Variants in GPC5 observed in about 807,000 individuals in gnomAD.
The protein encoded by GPC5 is glypican 5, also known as glypican-5.
In GPC5, 47 loss-of-function variants were observed where a neutral mutation model predicts 53.9. The ratio of observed to expected loss-of-function variants is 0.87; its 90% CI spans 0.69 to 1.11. The LOEUF (loss-of-function observed/expected upper bound fraction) is 1.11, where lower values mean the gene tolerates loss of function less well. Ranked by LOEUF, GPC5 falls within the 50% of genes most tolerant of loss-of-function variation. GPC5 has a pLI of 0.00. For missense variants in GPC5, 748 were observed against 713.1 expected (o/e 1.05, Z -0.56); for synonymous variants, 286 against 263.3 (o/e 1.09, Z -0.84).
In GPC5 at chr13:92,378,787, T is replaced by C. The variant is rs1386260175; in HGVS notation, c.1561+233798T>C. On this transcript the variant is annotated intron_variant, in intron 7 of 7. Coordinates refer to ENST00000377067, the MANE Select transcript of GPC5 (RefSeq NM_004466.6). ...TTTAAGCACCCTAAGCACTGGGATA[T>C]TTTTTCCCAAGTGTATAATATAGTT... is the stretch of plus-strand genomic sequence containing the variant. Among the ~76,000 whole-genome samples, 3 of 152,168 alleles carry C rather than the reference T, an allele frequency of 2.0e-5. No individual in the cohort carries two copies. In the East Asian group the frequency reaches 5.8e-4, roughly 29 times the overall value.
intron 1 of GPC5, among the ~76,000 whole-genome samples, chr13:91,437,279 G>T (rs982675586): frequency 3.3e-5 from 5 of 152,168 alleles, no homozygotes; most frequent in African/African-American, 1.2e-4. Context: ...TTTCTTCCTA[G>T]CCTCGATGGT....
chr13:91,704,641 A>G (rs900981302), intron 3 of GPC5, among the ~76,000 whole-genome samples: 1 of 152,214 alleles, frequency 6.6e-6, no homozygotes, highest in African/African-American at 2.4e-5. Flanking sequence ...CTTGAAAACC[A>G]AGGACAACCT....
intron 7 of GPC5, among the ~76,000 whole-genome samples, chr13:92,625,332 T>C (rs976850378): frequency 2.0e-5 from 3 of 152,232 alleles, no homozygotes; most frequent in Non-Finnish European, 4.4e-5. Flanking sequence ...AATTGGGATA[T>C]ATGACTATTT....
At chr13:92,818,444 T>G (rs1877558861) in intron 7 of GPC5, among the ~76,000 whole-genome samples, 1 of 152,014 alleles carries the variant, frequency 6.6e-6, no homozygotes, top group African/African-American at 2.4e-5. Context: ...GAAACAATGC[T>G]TTTCTTATAG....
intron 7 of GPC5, among the ~76,000 whole-genome samples, chr13:92,771,274 A>G (rs1354229471): frequency 1.3e-5 from 2 of 152,104 alleles, no homozygotes; most frequent in Non-Finnish European, 2.9e-5. Flanking sequence ...GGCATTACTC[A>G]TGCTACCCAT....
chr13:91,963,425 G>C (rs1028358836), intron 6 of GPC5, among the ~76,000 whole-genome samples: 2 of 152,108 alleles, frequency 1.3e-5, no homozygotes, highest in Non-Finnish European at 2.9e-5. Flanking sequence ...GTGTACATAA[G>C]GGAATGTGTA....
intron 7 of GPC5, among the ~76,000 whole-genome samples, chr13:92,526,439 A>G (rs1203213929): frequency 1.3e-5 from 2 of 152,102 alleles, no homozygotes; most frequent in Admixed American, 1.3e-4. Flanking sequence ...AAATAAGTCC[A>G]GTGTGGGTGA....
At chr13:91,548,239 C>A (rs2030412964) in intron 2 of GPC5, among the ~76,000 whole-genome samples, 1 of 152,118 alleles carries the variant, frequency 6.6e-6, no homozygotes, top group Non-Finnish European at 1.5e-5. Context: ...ACACAAAACA[C>A]CTGGAACTAA....
intron 7 of GPC5, among the ~76,000 whole-genome samples, chr13:92,331,682 G>GT (rs5805739): frequency 0.033 from 4,873 of 147,562 alleles, 195 homozygotes; most frequent in Admixed American, 0.092. Flanking sequence ...TATACATAGG[G>GT]TTTTTTTTTT....
intron 6 of GPC5, among the ~76,000 whole-genome samples, chr13:91,945,854 C>T (rs1191790775): frequency 1.3e-5 from 2 of 152,150 alleles, no homozygotes; most frequent in East Asian, 1.9e-4. Context: ...ACAACCCTTG[C>T]GTTGCAAAGT....
intron 2 of GPC5, among the ~76,000 whole-genome samples, chr13:91,593,827 A>G (rs1005662157): frequency 6.6e-6 from 1 of 152,134 alleles, no homozygotes; most frequent in Non-Finnish European, 1.5e-5. Flanking sequence ...ATATCCCTCA[A>G]TAAAATAATG....
At chr13:92,820,633 C>T (rs1877642938) in intron 7 of GPC5, among the ~76,000 whole-genome samples, 1 of 152,164 alleles carries the variant, frequency 6.6e-6, no homozygotes, top group African/African-American at 2.4e-5. Context: ...CCACTTCAAA[C>T]TTGATATTAT....
Position 92,636,401 on chromosome 13 carries a change from C to G in GPC5, c.1562-229881C>G, listed in dbSNP as rs141897406. 6.2e-3 allele frequency among the ~76,000 whole-genome samples: 950 copies of G among 152,224 alleles called. 7 individuals carry two copies. The highest frequency in any genetic ancestry group is 0.02 in the African/African-American group (825 of 41,536). ...ATAGGACTTATTTTGCTGAGCGTAGCTATGCTCTCTGTATTTTGTTTCTTG... is the reference window on the plus strand; with the variant it reads ...ATAGGACTTATTTTGCTGAGCGTAGGTATGCTCTCTGTATTTTGTTTCTTG... On this transcript the variant is annotated intron_variant, in intron 7 of 7. Transcript: ENST00000377067.
chr13:92,628,735 T>C (rs968019889), intron 7 of GPC5, among the ~76,000 whole-genome samples: 1 of 152,164 alleles, frequency 6.6e-6, no homozygotes, highest in Admixed American at 6.5e-5. Context: ...TTCAAACCCC[T>C]GACTCCTTCT....
intron 7 of GPC5, among the ~76,000 whole-genome samples, chr13:92,464,790 G>A (rs915376370): frequency 6.6e-6 from 1 of 151,874 alleles, no homozygotes; most frequent in Non-Finnish European, 1.5e-5. Flanking sequence ...CTCAACGTGT[G>A]TTTGTTTATG....
At chr13:92,039,898 T>G (rs974104558) in intron 6 of GPC5, among the ~76,000 whole-genome samples, 2 of 152,234 alleles carry the variant, frequency 1.3e-5, no homozygotes, top group African/African-American at 4.8e-5. Context: ...AGTCACATTT[T>G]GAGGTCTTTG....
At chr13:92,829,868 G>A (rs77643007) in intron 7 of GPC5, among the ~76,000 whole-genome samples, 4,261 of 152,168 alleles carry the variant, frequency 0.028, 98 homozygotes, top group Non-Finnish European at 0.042. Flanking sequence ...AGAAAAGATT[G>A]CTAAGCAGTA....
chr13:91,991,950 G>A (rs1420311844), intron 6 of GPC5, among the ~76,000 whole-genome samples: 1 of 152,178 alleles, frequency 6.6e-6, no homozygotes. Flanking sequence ...CACACATGCA[G>A]TTAATGTGTT....
At chr13:91,555,373 C>T (rs772737874) in intron 2 of GPC5, among the ~76,000 whole-genome samples, 65 of 151,966 alleles carry the variant, frequency 4.3e-4, no homozygotes, top group African/African-American at 1.2e-3. Context: ...CTAACTTCCC[C>T]GGTGGTAACA....
Sources: gnomAD v4.1 joint callset for allele counts (sites outside exome capture counted in the v4.1 genomes callset) on GRCh38, gnomAD v4.1.1 for gene constraint, MANE v1.5 for transcripts, NCBI Gene and HGNC (gene_info 2026-07-23, HGNC 2026-07-21) for gene names.